Variants in CELSR3 observed in about 807,000 individuals in gnomAD.
The protein encoded by CELSR3 is EGF-like protein 1.
A neutral mutation model predicts 270.0 loss-of-function variants in CELSR3; 73 were observed. The ratio of observed to expected loss-of-function variants is 0.27; its 90% CI spans 0.22 to 0.33. CELSR3 has a LOEUF of 0.33. Ranked by LOEUF, CELSR3 falls within the 10% of genes least tolerant of loss-of-function variation. The probability of loss-of-function intolerance (pLI) is 1.00; values close to 1 mark genes in which losing one functional copy is unlikely to be tolerated. For missense variants in CELSR3, 3,614 were observed against 4,533.8 expected, an observed-to-expected ratio of 0.80 and a Z score of 5.83; for synonymous variants, 1,780 against 1,905.4, an observed-to-expected ratio of 0.93 and a Z score of 1.71.
In CELSR3 at chr3:48,655,864, G is replaced by T; in HGVS notation, c.4626-13C>A. ...CACTGTCGCGAACCTGGGCGGGGTG[G>T]GAGGGGGTTGCGGGGGTGGGAGCGT... On this transcript the variant is annotated splice_polypyrimidine_tract_variant and intron_variant, in intron 3 of 34. Coordinates refer to ENST00000164024, the MANE Select transcript of CELSR3 (RefSeq NM_001407.3). This position sits in a 1 kb window ranked among gnomAD's most constrained non-coding sequence, Gnocchi z 5.8. The T allele has an allele frequency of 1.4e-6, 2 of 1,428,820 alleles. No individual in the cohort carries two copies. Among genetic ancestry groups the T allele is most frequent in the Non-Finnish European group, 2.0e-6 (2 of 1,017,814 alleles). The allele number at this position is 1,428,820 out of a possible 1,614,324, so 88.5% of individuals were successfully genotyped here.
In CELSR3 at chr3:48,643,136, G is replaced by A. The variant is rs912861305; in HGVS notation, c.8290-53C>T. 10 of 1,224,178 alleles carry A rather than the reference G, an allele frequency of 8.2e-6. No individual in the cohort carries two copies. In the African/African-American group the frequency reaches 1.3e-4, roughly 16 times the overall value. The allele number at this position is 1,224,178 out of a possible 1,614,324, so 75.8% of individuals were successfully genotyped here. Reference sequence around the variant, plus strand: ...GTCGGCAGGGATCAATCAGGGACCAGTATAAGTCACTGTGGGTCAGCAATG... The same window carrying A: ...GTCGGCAGGGATCAATCAGGGACCAATATAAGTCACTGTGGGTCAGCAATG... On this transcript the variant is annotated intron_variant, in intron 28 of 34. Coordinates refer to ENST00000164024, the MANE Select transcript of CELSR3 (RefSeq NM_001407.3).
chr3:48,645,694 G>A lies in CELSR3; in HGVS notation c.7591-45C>T, dbSNP rs776487524. ...TGATGGGTTGTTGGGCAGAATCCCCGTGTCCCTTTGACCCCCCACTTCCTT... is the reference window on the plus strand; with the variant it reads ...TGATGGGTTGTTGGGCAGAATCCCCATGTCCCTTTGACCCCCCACTTCCTT... On this transcript the variant is annotated intron_variant, in intron 23 of 34. Transcript: ENST00000164024. This position sits in a 1 kb window ranked among gnomAD's most constrained non-coding sequence, Gnocchi z 5.4. The A allele has an allele frequency of 3.6e-5, 57 of 1,600,330 alleles. No individual in the cohort carries two copies. Among genetic ancestry groups the A allele is most frequent in the East Asian group, 1.8e-4 (8 of 44,478 alleles).
rs1575542795 is a variant in CELSR3, at chr3:48,651,282, T to A, written c.6186+77A>T. The A allele has an allele frequency of 6.3e-7, 1 of 1,588,038 alleles. No individual in the cohort carries two copies. Among genetic ancestry groups the A allele is most frequent in the East Asian group, 2.2e-5 (1 of 44,616 alleles). On this transcript the variant is annotated intron_variant, in intron 14 of 34. Coordinates refer to ENST00000164024, the MANE Select transcript of CELSR3 (RefSeq NM_001407.3). The surrounding 1 kb of genome is among the most constrained non-coding windows in gnomAD (Gnocchi z 7.4). ...GCAAGAGGTTAGGGCCCAAGTCAGG[T>A]GGCGGAGGTCAGCAAGCTGGACAGG...
At chr3:48,648,225 GC>G in intron 19 of CELSR3, 40 bp downstream of exon 19, 7 of 1,585,954 alleles carry the variant, frequency 4.4e-6, no homozygotes, top group African/African-American at 1.3e-5. Flanking sequence ...CCCTTTCATG[GC>G]CCCCCTGCTG....
At position 48,638,144 on chromosome 3, in the gene CELSR3, T is replaced by C. The variant is rs2046989553; in HGVS notation, c.*61A>G. 3 of 1,500,526 alleles carry C rather than the reference T, an allele frequency of 2.0e-6. No individual in the cohort carries two copies. The highest frequency in any genetic ancestry group is 2.8e-6 in the Non-Finnish European group (3 of 1,077,316). The allele number at this position is 1,500,526 out of a possible 1,614,324, so 93.0% of individuals were successfully genotyped here. On this transcript the variant is annotated 3_prime_UTR_variant, in exon 35 of 35. Transcript: ENST00000164024. ...GGGATCTGCCCCCACTCCTGGAGTCTCTCCTGTTAGCCTAGATCCTCTGTC... is the reference window on the plus strand; with the variant it reads ...GGGATCTGCCCCCACTCCTGGAGTCCCTCCTGTTAGCCTAGATCCTCTGTC...
chr3:48,651,789 T>C lies in CELSR3; in HGVS notation c.5924-71A>G. ...GAAGGAAGCAGGCACCCGTCCCGAG[T>C]CCCTGCCTCCTTCAGGTTCCCCAGT... On this transcript the variant is annotated intron_variant, in intron 12 of 34. Coordinates refer to ENST00000164024, the MANE Select transcript of CELSR3 (RefSeq NM_001407.3). The surrounding 1 kb of genome is among the most constrained non-coding windows in gnomAD (Gnocchi z 7.4). The C allele has an allele frequency of 6.5e-7, 1 of 1,537,598 alleles. No individual in the cohort carries two copies. The highest frequency in any genetic ancestry group is 8.7e-7 in the Non-Finnish European group (1 of 1,145,088).
chr3:48,655,031 G>A lies in CELSR3; in HGVS notation c.4988+13C>T. The A allele has an allele frequency of 6.2e-7, 1 of 1,613,332 alleles. No individual in the cohort carries two copies. Among genetic ancestry groups the A allele is most frequent in the Non-Finnish European group, 8.5e-7 (1 of 1,179,540 alleles). ...AGGCAGGGGACAAGGGGACTAGGGG[G>A]CAGGGGCCTCACTTCTTGGAGCTTG... On this transcript the variant is annotated intron_variant, in intron 6 of 34. Coordinates refer to ENST00000164024, the MANE Select transcript of CELSR3 (RefSeq NM_001407.3). This position sits in a 1 kb window ranked among gnomAD's most constrained non-coding sequence, Gnocchi z 5.8.
Position 48,648,728 on chromosome 3 carries a change from GTGGGCATCC to G in CELSR3, c.6759_6767del (p.Gln2253_Ala2255del). 1 of 1,611,384 alleles carries G rather than the reference GTGGGCATCC, an allele frequency of 6.2e-7. No individual in the cohort carries two copies. Among genetic ancestry groups the G allele is most frequent in the Admixed American group, 1.7e-5 (1 of 59,998 alleles). ...TAGGGCACAGCCCCACCTCATTGAA[GTGGGCATCC>G]TGTGTGGCTGTCAGCCCGAAGCCCT... On this transcript the variant is annotated inframe_deletion, in exon 18 of 35. Coordinates refer to ENST00000164024, the MANE Select transcript of CELSR3 (RefSeq NM_001407.3).
Position 48,640,595 on chromosome 3 carries a change from T to C in CELSR3, c.9026-36A>G. ...AAGAAAATGGGGGGCAGGGTTTGTGTGGGAGGGGGAGGGCAGGCAGGAATT... is the reference window on the plus strand; with the variant it reads ...AAGAAAATGGGGGGCAGGGTTTGTGCGGGAGGGGGAGGGCAGGCAGGAATT... On this transcript the variant is annotated intron_variant, in intron 33 of 34. Coordinates refer to ENST00000164024, the MANE Select transcript of CELSR3 (RefSeq NM_001407.3). The surrounding 1 kb of genome is among the most constrained non-coding windows in gnomAD (Gnocchi z 7.5). 1 of 1,393,314 alleles carries C rather than the reference T, an allele frequency of 7.2e-7. No individual in the cohort carries two copies. The highest frequency in any genetic ancestry group is 9.5e-7 in the Non-Finnish European group (1 of 1,054,474). 86.3% of individuals were successfully genotyped at this position (1,393,314 alleles called of 1,614,324 possible). A position where few individuals can be genotyped will look rare whatever the true frequency, so the allele number is the denominator to read the frequency against.
In CELSR3 at chr3:48,655,026, AG is replaced by A; in HGVS notation, c.4988+17del. 6.2e-7 allele frequency: 1 copy of A among 1,612,342 alleles called. No individual in the cohort carries two copies. Among genetic ancestry groups the A allele is most frequent in the Middle Eastern group, 1.7e-4 (1 of 6,058 alleles). On this transcript the variant is annotated intron_variant, in intron 6 of 34. Coordinates refer to ENST00000164024, the MANE Select transcript of CELSR3 (RefSeq NM_001407.3). The surrounding 1 kb of genome is among the most constrained non-coding windows in gnomAD (Gnocchi z 5.8). ...TTGGTAGGCAGGGGACAAGGGGACT[AG>A]GGGGCAGGGGCCTCACTTCTTGGAG... is the stretch of plus-strand genomic sequence containing the variant.
Position 48,650,451 on chromosome 3 carries a change from A to G in CELSR3, c.6472+29T>C. 1.8e-6 allele frequency: 1 copy of G among 547,642 alleles called. No individual in the cohort carries two copies. 33.9% of individuals were successfully genotyped at this position (547,642 alleles called of 1,614,324 possible). Reference sequence around the variant, plus strand: ...AGAGTACAGGCCCACCCCCACCCTCAGTGATGTCCTTTCCCCCCACATACT... The same window carrying G: ...AGAGTACAGGCCCACCCCCACCCTCGGTGATGTCCTTTCCCCCCACATACT... On this transcript the variant is annotated intron_variant, in intron 16 of 34. Coordinates refer to ENST00000164024, the MANE Select transcript of CELSR3 (RefSeq NM_001407.3). This position sits in a 1 kb window ranked among gnomAD's most constrained non-coding sequence, Gnocchi z 5.1.
Position 48,660,756 on chromosome 3 carries a change from G to A in CELSR3, c.1879C>T (p.Arg627Trp), listed in dbSNP as rs779915965. The change falls in exon 1 of 35, where the codon CGG becomes TGG. Residue 627 changes from arginine (R) to tryptophan (W), a missense_variant. Arg to Trp is a moderately radical substitution (Grantham distance 101). Transcript: ENST00000164024. This position sits in a 1 kb window ranked among gnomAD's most constrained non-coding sequence, Gnocchi z 5.5. ...ALRIRAQDAGRPPLSNNTGLA... is the reference protein window; with the variant it reads ...ALRIRAQDAGWPPLSNNTGLA... ...CCCGTGTTGTTGGACAGCGGTGGCCGGCCAGCATCCTGCGCCCTGATGCGC... is the reference window on the plus strand; with the variant it reads ...CCCGTGTTGTTGGACAGCGGTGGCCAGCCAGCATCCTGCGCCCTGATGCGC... 11 of 1,614,094 alleles carry A rather than the reference G, an allele frequency of 6.8e-6. 1 individual carries two copies. The highest frequency in any genetic ancestry group is 5.5e-5 in the South Asian group (5 of 91,086).
At position 48,659,221 on chromosome 3, in the gene CELSR3, A is replaced by G. The variant is rs758851874; in HGVS notation, c.3414T>C (p.Tyr1138=). ...CAGATGTGGCCTGCACCACAATCAC[A>G]TATTCTTGGCGAGCCTCATAGTCTA... The part of the protein sequence containing the change: ...IDLDYEARQE[Y]VIVVQATSAP... The change falls in exon 1 of 35, where the codon TAT becomes TAC. Residue 1138 remains tyrosine, a synonymous_variant. Coordinates refer to ENST00000164024, the MANE Select transcript of CELSR3 (RefSeq NM_001407.3). The surrounding 1 kb of genome is among the most constrained non-coding windows in gnomAD (Gnocchi z 8.1). 1 of 1,614,182 alleles carries G rather than the reference A, an allele frequency of 6.2e-7. No individual in the cohort carries two copies. The highest frequency in any genetic ancestry group is 1.1e-5 in the South Asian group (1 of 91,076).
rs199541002 is a variant in CELSR3, at chr3:48,653,943, G to T, written c.5213C>A (p.Ser1738Ter). ...GCAGCTGAAGCTGCCCCAGCGCTCCGAGCAGAAGCCACTGTTCTTGCAGGG... is the reference window on the plus strand; with the variant it reads ...GCAGCTGAAGCTGCCCCAGCGCTCCTAGCAGAAGCCACTGTTCTTGCAGGG... Reference protein sequence around the residue: ...SGPCKNSGFCSERWGSFSCDC... With the variant: ...SGPCKNSGFC Residue 1738 changes from serine (S) to a stop codon, truncating the protein, a stop_gained, in exon 8 of 35, where the codon TCG (serine) becomes TAG (stop). Transcript: ENST00000164024. LOFTEE classifies it high-confidence loss of function. This position sits in a 1 kb window ranked among gnomAD's most constrained non-coding sequence, Gnocchi z 6.5. The T allele has an allele frequency of 6.2e-7, 1 of 1,613,396 alleles. No homozygotes were observed. The highest frequency in any genetic ancestry group is 8.5e-7 in the Non-Finnish European group (1 of 1,179,978).
chr3:48,645,289 C>G lies in CELSR3; in HGVS notation c.7798-80G>C. The G allele has an allele frequency of 6.5e-7, 1 of 1,534,198 alleles. No homozygotes were observed. The highest frequency in any genetic ancestry group is 8.8e-7 in the Non-Finnish European group (1 of 1,130,824). On this transcript the variant is annotated intron_variant, in intron 24 of 34. Coordinates refer to ENST00000164024, the MANE Select transcript of CELSR3 (RefSeq NM_001407.3). This position sits in a 1 kb window ranked among gnomAD's most constrained non-coding sequence, Gnocchi z 5.4. Reference sequence around the variant, plus strand: ...TACCCCAGGCATCTGCTTCCCACCTCTCACCCCTAAACCACAATATCTTAC... The same window carrying G: ...TACCCCAGGCATCTGCTTCCCACCTGTCACCCCTAAACCACAATATCTTAC...
Position 48,651,877 on chromosome 3 carries a change from C to T in CELSR3, c.5923G>A (p.Gly1975Ser). The part of the protein sequence containing the change: ...WQTFSCTCQP[G>S]YYGPGCVDAC... ...TTCCCCCAACCCTCTCAAGGCTCACCTGGCTGGCAGGTGCAAGAAAAGGTC... is the reference window on the plus strand; with the variant it reads ...TTCCCCCAACCCTCTCAAGGCTCACTTGGCTGGCAGGTGCAAGAAAAGGTC... Residue 1975 changes from glycine to serine, a missense_variant and splice_region_variant, in exon 12 of 35, where the codon GGT becomes AGT. Physicochemically the swap from Gly to Ser is moderately conservative, Grantham distance 56 (BLOSUM62 0). Coordinates refer to ENST00000164024, the MANE Select transcript of CELSR3 (RefSeq NM_001407.3). This position sits in a 1 kb window ranked among gnomAD's most constrained non-coding sequence, Gnocchi z 7.4. 6.2e-7 allele frequency: 1 copy of T among 1,609,290 alleles called. No homozygotes were observed. The highest frequency in any genetic ancestry group is 8.5e-7 in the Non-Finnish European group (1 of 1,177,998).
rs1195624825 is a variant in CELSR3 at position 48,655,552 on chromosome 3, A to G, written c.4742-158T>C. Reference sequence around the variant, plus strand: ...TGGCTCAGAGTGCCTTTGAACAGACAGGAGAAACAGACTTCTTGGAGGGAG... The same window carrying G: ...TGGCTCAGAGTGCCTTTGAACAGACGGGAGAAACAGACTTCTTGGAGGGAG... On this transcript the variant is annotated intron_variant, in intron 4 of 34. Coordinates refer to ENST00000164024, the MANE Select transcript of CELSR3 (RefSeq NM_001407.3). This position sits in a 1 kb window ranked among gnomAD's most constrained non-coding sequence, Gnocchi z 5.8. Among the ~76,000 whole-genome samples the G allele has an allele frequency of 6.6e-6, 1 of 152,218 alleles. No homozygotes were observed.
rs1187383210 is a variant in CELSR3, at chr3:48,648,702, A to G, written c.6777+17T>C. On this transcript the variant is annotated intron_variant, in intron 18 of 34. Coordinates refer to ENST00000164024, the MANE Select transcript of CELSR3 (RefSeq NM_001407.3). ...GCTGGGGGGCCAAGGCACTGAGAAC[A>G]TAGGGCACAGCCCCACCTCATTGAA... 9.3e-6 allele frequency: 15 copies of G among 1,606,022 alleles called. No homozygotes were observed. The highest frequency in any genetic ancestry group is 1.3e-5 in the African/African-American group (1 of 75,000).
At chr3:48,648,157 T>C in intron 19 of CELSR3, 109 bp downstream of exon 19, 1 of 1,410,956 alleles carries the variant, frequency 7.1e-7, no homozygotes, top group Non-Finnish European at 9.7e-7. Context: ...GGTGGCTGAG[T>C]CTCCTGCCAT....
Sources: gnomAD v4.1 joint callset for allele counts (sites outside exome capture counted in the v4.1 genomes callset) on GRCh38, gnomAD v4.1.1 for gene constraint, Gnocchi (gnomAD v3.1) non-coding constraint, MANE v1.5 for transcripts, NCBI Gene and HGNC (gene_info 2026-07-23, HGNC 2026-07-21) for gene names.